Variants in PDCD6 observed in about 807,000 individuals in gnomAD.
The protein encoded by PDCD6 is programmed cell death 6.
In PDCD6, 12 loss-of-function variants were observed where a neutral mutation model predicts 28.3. That is an observed-to-expected ratio of 0.42 (90% confidence interval 0.27 to 0.69). The LOEUF (loss-of-function observed/expected upper bound fraction) is 0.69, where lower values mean the gene tolerates loss of function less well. PDCD6 is among the 30% of genes least tolerant of loss of function. The pLI is 0.22. For synonymous variants in PDCD6, 92 were observed against 108.0 expected (o/e 0.85, Z 0.92); for missense variants, 226 against 269.9 (o/e 0.84, Z 1.14).
chr5:275,330 C>G (rs1048529029), intron 2 of PDCD6, among the ~76,000 whole-genome samples: 1 of 152,226 alleles, frequency 6.6e-6, no homozygotes, highest in African/African-American at 2.4e-5. Flanking sequence ...CACTGTTCAC[C>G]CTGAGAGACG....
intron 2 of PDCD6, among the ~76,000 whole-genome samples, chr5:292,373 C>T (rs1383833584): frequency 2.0e-5 from 3 of 152,182 alleles, no homozygotes; most frequent in African/African-American, 7.2e-5. Flanking sequence ...ATTCTCCTGC[C>T]TCAGCCTCCC....
intron 2 of PDCD6, among the ~76,000 whole-genome samples, chr5:293,221 G>T (rs1214426467): frequency 6.6e-6 from 1 of 152,202 alleles, no homozygotes; most frequent in Admixed American, 6.5e-5. Context: ...GAAACTCACA[G>T]GAAGACCTGA....
chr5:283,293 A>G (rs1738708031), intron 2 of PDCD6, among the ~76,000 whole-genome samples: 1 of 148,878 alleles, frequency 6.7e-6, no homozygotes, highest in Non-Finnish European at 1.5e-5. Context: ...GTTCACTTTG[A>G]GGGTCTTTCA....
At chr5:314,238 C>T (rs894992173) in intron 5 of PDCD6, among the ~76,000 whole-genome samples, 179 bp from the exon 6 acceptor site, 5 of 152,170 alleles carry the variant, frequency 3.3e-5, no homozygotes, top group African/African-American at 1.2e-4. Context: ...CTTCGTTCTT[C>T]GCACTCCCAC....
intron 2 of PDCD6, among the ~76,000 whole-genome samples, chr5:292,329 G>T (rs1439736210): frequency 3.3e-5 from 5 of 152,154 alleles, no homozygotes; most frequent in Admixed American, 1.3e-4. Context: ...TGTGATCTCA[G>T]CTCACTGCAA....
rs536075996 is a variant in PDCD6, at chr5:282,145, T to G, written c.163+9373T>G. ...AACTGGAAACCCAGAGAGGAGCTGA[T>G]CTTATAGATTGAGGGTTCTGCAGCT... On this transcript the variant is annotated intron_variant, in intron 2 of 5. Coordinates refer to ENST00000264933, the MANE Select transcript of PDCD6 (RefSeq NM_013232.4). Among the ~76,000 whole-genome samples the G allele has an allele frequency of 4.3e-4, 65 of 151,140 alleles. 1 individual carries two copies. Among genetic ancestry groups the G allele is most frequent in the Non-Finnish European group, 8.6e-4 (58 of 67,790 alleles).
intron 2 of PDCD6, among the ~76,000 whole-genome samples, chr5:298,014 T>C (rs1739728707): frequency 6.6e-6 from 1 of 152,124 alleles, no homozygotes; most frequent in South Asian, 2.1e-4. Context: ...TAAGGTTAGA[T>C]CCACGTAAAT....
At chr5:271,871 C>A in intron 1 of PDCD6, 50 bp downstream of exon 1, 1 of 1,091,364 alleles carries the variant, frequency 9.2e-7, no homozygotes, top group Non-Finnish European at 1.2e-6. Context: ...GCGGCGGCCC[C>A]GACCCCTGTC....
intron 2 of PDCD6, among the ~76,000 whole-genome samples, chr5:301,473 C>T (rs567654739): frequency 6.6e-6 from 1 of 152,372 alleles, no homozygotes; most frequent in South Asian, 2.1e-4. Flanking sequence ...TCCGACCTTT[C>T]TGAATACCTC....
chr5:310,404 T>C (rs1399266692), intron 4 of PDCD6: 1 of 152,442 alleles, frequency 6.6e-6, no homozygotes, highest in East Asian at 1.9e-4. Context: ...ATTCAGAGAG[T>C]AGGTGCACAC....
At chr5:272,673 T>C in intron 1 of PDCD6, 38 bp from the exon 2 acceptor site, 1 of 1,550,404 alleles carries the variant, frequency 6.4e-7, no homozygotes, top group Non-Finnish European at 8.7e-7. Flanking sequence ...TTCCTGAACT[T>C]TCGATCGCCA....
intron 2 of PDCD6, among the ~76,000 whole-genome samples, chr5:292,829 T>A (rs1160193364): frequency 6.6e-6 from 1 of 152,192 alleles, no homozygotes. Context: ...GGGATCTCCC[T>A]TATGCATTTC....
At position 307,422 on chromosome 5, in the gene PDCD6, G is replaced by A. The variant is rs537973895; in HGVS notation, c.367+662G>A. ...GCAGAACGCGTGCCCATTCTCAGGT[G>A]CGCTCAGCGTGTGTGTGCTTGACGC... On this transcript the variant is annotated intron_variant, in intron 4 of 5. Transcript: ENST00000264933. This position sits in a 1 kb window ranked among gnomAD's most constrained non-coding sequence, Gnocchi z 6.1. 6.6e-6 allele frequency among the ~76,000 whole-genome samples: 1 copy of A among 152,222 alleles called. No homozygotes were observed. The highest frequency in any genetic ancestry group is 2.4e-5 in the African/African-American group (1 of 41,568).
intron 2 of PDCD6, among the ~76,000 whole-genome samples, chr5:284,366 G>A (rs1217873478): frequency 6.6e-6 from 1 of 152,192 alleles, no homozygotes; most frequent in East Asian, 1.9e-4. Flanking sequence ...AGCTGTTCTG[G>A]TTTGAGGGTC....
At chr5:274,105 A>G (rs1738028775) in intron 2 of PDCD6, among the ~76,000 whole-genome samples, 1 of 152,232 alleles carries the variant, frequency 6.6e-6, no homozygotes, top group South Asian at 2.1e-4. Context: ...GGCTCTGTGC[A>G]TCACCTGTTA....
At chr5:301,612 G>A (rs1027392141) in intron 2 of PDCD6, among the ~76,000 whole-genome samples, 1 of 151,988 alleles carries the variant, frequency 6.6e-6, no homozygotes, top group Non-Finnish European at 1.5e-5. Context: ...TATGCCTCAG[G>A]TTCAGGTGCA....
At chr5:294,858 G>A (rs1403116937) in intron 2 of PDCD6, among the ~76,000 whole-genome samples, 3 of 152,140 alleles carry the variant, frequency 2.0e-5, no homozygotes, top group Admixed American at 6.5e-5. Context: ...AACCAGCAGT[G>A]GAAGGATGCA....
Position 311,676 on chromosome 5 carries a change from G to GT in PDCD6, c.477+282dup, listed in dbSNP as rs892311559. The GT allele has an allele frequency of 5.7e-4, 223 of 389,056 alleles. 1 individual carries two copies. The highest frequency in any genetic ancestry group is 5.0e-3 in the Middle Eastern group (7 of 1,412). The allele number at this position is 389,056 out of a possible 1,614,324, so 24.1% of individuals were successfully genotyped here. On this transcript the variant is annotated intron_variant, in intron 5 of 5. Transcript: ENST00000264933. ...TTTACATGTATGTTCTGGTGTTGTGGTTTTTTTTGTTTTTTGTTTTGTTTT... is the reference window on the plus strand; with the variant it reads ...TTTACATGTATGTTCTGGTGTTGTGGTTTTTTTTTGTTTTTTGTTTTGTTTT...
At chr5:271,874 C>A in intron 1 of PDCD6, 53 bp downstream of exon 1, 1 of 1,060,512 alleles carries the variant, frequency 9.4e-7, no homozygotes, top group South Asian at 2.0e-5. Context: ...GCGGCCCCGA[C>A]CCCTGTCCCG....
Sources: gnomAD v4.1 joint callset for allele counts (sites outside exome capture counted in the v4.1 genomes callset) on GRCh38, gnomAD v4.1.1 for gene constraint, Gnocchi (gnomAD v3.1) non-coding constraint, MANE v1.5 for transcripts, NCBI Gene and HGNC (gene_info 2026-07-23, HGNC 2026-07-21) for gene names.